The following DAB1 variants were observed in gnomAD, a reference collection of about 807,000 sequenced individuals.
DAB1 encodes the protein disabled homolog 1.
In DAB1, 15 loss-of-function variants were observed where a neutral mutation model predicts 64.6. The ratio of observed to expected loss-of-function variants is 0.23; its 90% CI spans 0.16 to 0.36. DAB1 has a LOEUF of 0.36. Ranked by LOEUF, DAB1 falls within the 10% of genes least tolerant of loss-of-function variation. The probability of loss-of-function intolerance (pLI) is 1.00; values close to 1 mark genes in which losing one functional copy is unlikely to be tolerated. For synonymous variants in DAB1, 235 were observed against 251.9 expected, an observed-to-expected ratio of 0.93 and a Z score of 0.64; for missense variants, 596 against 706.7, an observed-to-expected ratio of 0.84 and a Z score of 1.78.
At chr1:57,855,133 G>A (rs1653695286) in intron 1 of DAB1, among the ~76,000 whole-genome samples, 1 of 152,264 alleles carries the variant, frequency 6.6e-6, no homozygotes, top group East Asian at 1.9e-4. Flanking sequence ...AGAAGGCTGT[G>A]AGGACATCTA....
intron 1 of DAB1, among the ~76,000 whole-genome samples, chr1:57,349,395 CTGAG>C (rs1196809365): frequency 2.0e-5 from 3 of 152,042 alleles, no homozygotes; most frequent in Admixed American, 6.6e-5. Context: ...CCCACGCTGA[CTGAG>C]TATCATACAT....
intron 1 of DAB1, among the ~76,000 whole-genome samples, chr1:57,355,761 A>G (rs887050671): frequency 2.0e-5 from 3 of 152,028 alleles, no homozygotes; most frequent in Non-Finnish European, 4.4e-5. Context: ...CTGAAGAGGT[A>G]AACTGTTATG....
chr1:57,178,556 T>C (rs1423925704), intron 2 of DAB1, among the ~76,000 whole-genome samples: 1 of 152,198 alleles, frequency 6.6e-6, no homozygotes, highest in Non-Finnish European at 1.5e-5. Context: ...TGAATTTATT[T>C]ATTTATGGAT....
At chr1:57,640,705 T>A (rs922399517) in intron 7 of DAB1, among the ~76,000 whole-genome samples, 1 of 152,204 alleles carries the variant, frequency 6.6e-6, no homozygotes, top group Admixed American at 6.5e-5. Context: ...AAGAGAAGAA[T>A]GGCTACATTT....
chr1:58,422,604 T>A (rs1557755451), intron 3 of DAB1, among the ~76,000 whole-genome samples: 1 of 26,762 alleles, frequency 3.7e-5, no homozygotes, highest in African/African-American at 3.5e-4. Flanking sequence ...GGAGGCAAAT[T>A]TTTTTTTTTT....
chr1:57,793,545 C>T (rs955621511), intron 6 of DAB1, among the ~76,000 whole-genome samples: 1 of 151,996 alleles, frequency 6.6e-6, no homozygotes, highest in Non-Finnish European at 1.5e-5. Flanking sequence ...CCAGGGAGTC[C>T]CAGCTCATCC....
chr1:58,004,119 G>T (rs1345612085), intron 5 of DAB1, among the ~76,000 whole-genome samples: 2 of 152,186 alleles, frequency 1.3e-5, no homozygotes, highest in Non-Finnish European at 2.9e-5. Flanking sequence ...GAGGTGACCA[G>T]AAGTAACACC....
chr1:57,355,742 G>C (rs1352792961), intron 1 of DAB1, among the ~76,000 whole-genome samples: 1 of 152,070 alleles, frequency 6.6e-6, no homozygotes, highest in African/African-American at 2.4e-5. Context: ...GGAGTCATAT[G>C]AAATGGGTCT....
chr1:57,933,080 G>A (rs1257638316), intron 5 of DAB1, among the ~76,000 whole-genome samples: 1 of 152,170 alleles, frequency 6.6e-6, no homozygotes, highest in Admixed American at 6.5e-5. Flanking sequence ...ACCAGGCAGA[G>A]TTATTAGAGA....
chr1:58,349,599 C>A (rs1485343327), intron 3 of DAB1, among the ~76,000 whole-genome samples: 2 of 152,016 alleles, frequency 1.3e-5, no homozygotes, highest in African/African-American at 4.8e-5. Flanking sequence ...CTAATGCTAT[C>A]CCTCCCCTAG....
intron 3 of DAB1, among the ~76,000 whole-genome samples, chr1:58,426,123 G>A (rs1373848905): frequency 6.6e-6 from 1 of 152,162 alleles, no homozygotes; most frequent in Admixed American, 6.6e-5. Flanking sequence ...TGCTCCTGGA[G>A]AGATTATTAT....
intron 1 of DAB1, among the ~76,000 whole-genome samples, chr1:57,357,519 C>CTTTTTTTTTT (rs35457403): frequency 1.6e-5 from 2 of 122,794 alleles, no homozygotes; most frequent in African/African-American, 3.1e-5. Flanking sequence ...CACCTTCTTC[C>CTTTTTTTTTT]TTTTTTTTTT....
chr1:57,341,988 T>C (rs1677627018), intron 1 of DAB1, among the ~76,000 whole-genome samples: 1 of 152,226 alleles, frequency 6.6e-6, no homozygotes, highest in Non-Finnish European at 1.5e-5. Flanking sequence ...CCTAAGTGTA[T>C]TCCATGACTT....
intron 7 of DAB1, among the ~76,000 whole-genome samples, chr1:57,462,706 C>T (rs151058364): frequency 8.3e-4 from 127 of 152,152 alleles, no homozygotes; most frequent in African/African-American, 3.0e-3. Flanking sequence ...ACACAGCTCT[C>T]GGGAGTGATG....
intron 5 of DAB1, among the ~76,000 whole-genome samples, chr1:58,026,245 T>A (rs1436977298): frequency 1.3e-5 from 2 of 152,222 alleles, no homozygotes; most frequent in African/African-American, 4.8e-5. Flanking sequence ...GTTGGACATT[T>A]GGTTACAAAC....
chr1:57,491,596 TCAA>T (rs968308126), intron 7 of DAB1, among the ~76,000 whole-genome samples: 2 of 152,012 alleles, frequency 1.3e-5, no homozygotes, highest in African/African-American at 2.4e-5. Context: ...AAAAGCAAAT[TCAA>T]CAAGTAGTAA....
chr1:58,521,263 C>A (rs1398468653), intron 2 of DAB1, among the ~76,000 whole-genome samples: 1 of 151,872 alleles, frequency 6.6e-6, no homozygotes, highest in Admixed American at 6.6e-5. Flanking sequence ...AACATATCAA[C>A]CCTTGCAACA....
intron 4 of DAB1, among the ~76,000 whole-genome samples, chr1:58,245,221 C>T (rs145099409): frequency 1.0e-3 from 156 of 152,340 alleles, no homozygotes; most frequent in African/African-American, 3.2e-3. Flanking sequence ...AGAGCAGCTT[C>T]TGTCTGCCCC....
At chr1:57,641,701 A>T (rs924824499) in intron 7 of DAB1, among the ~76,000 whole-genome samples, 1 of 151,924 alleles carries the variant, frequency 6.6e-6, no homozygotes, top group African/African-American at 2.4e-5. Context: ...TCTCTGAATA[A>T]TATTTGTGTC....
Sources: allele counts gnomAD v4.1 joint callset (sites outside exome capture counted in the v4.1 genomes callset), GRCh38; gene constraint gnomAD v4.1.1; transcripts MANE v1.5; gene names NCBI Gene and HGNC (gene_info 2026-07-23, HGNC 2026-07-21).